Variants in STK3 observed in about 807,000 individuals in gnomAD.
STK3 encodes the protein serine/threonine-protein kinase 3.
STK3 carries 41 observed loss-of-function variants against 58.0 expected under a neutral mutation model. The observed-to-expected ratio is 0.71, with a 90% CI of 0.55 to 0.92. The LOEUF is 0.92. Among genes scored for constraint, STK3 ranks in the 40% least tolerant of loss-of-function variants. The probability of loss-of-function intolerance (pLI) is 0.00; values close to 1 mark genes in which losing one functional copy is unlikely to be tolerated. For missense variants in STK3, 479 were observed against 602.7 expected, an observed-to-expected ratio of 0.79 and a Z score of 2.15; for synonymous variants, 170 against 191.0, an observed-to-expected ratio of 0.89 and a Z score of 0.91.
chr8:98,713,713 T>C (rs1392123089), intron 4 of STK3, among the ~76,000 whole-genome samples: 1 of 152,176 alleles, frequency 6.6e-6, no homozygotes, highest in East Asian at 1.9e-4. Context: ...GAGGAGCTGG[T>C]ATCATTCCTT....
chr8:98,628,712 G>A (rs1818928888), intron 6 of STK3, among the ~76,000 whole-genome samples: 2 of 146,368 alleles, frequency 1.4e-5, no homozygotes, highest in Admixed American at 1.5e-4. Context: ...TGAGGCAGAA[G>A]AACAGCTTGA....
intron 1 of STK3, among the ~76,000 whole-genome samples, chr8:98,891,279 A>T (rs557432623): frequency 6.6e-6 from 1 of 152,364 alleles, no homozygotes; most frequent in African/African-American, 2.4e-5. Flanking sequence ...TTCCTGAAAG[A>T]GTCTTTTAAA....
chr8:98,667,499 A>T (rs1473217067), intron 6 of STK3, among the ~76,000 whole-genome samples: 1 of 152,164 alleles, frequency 6.6e-6, no homozygotes, highest in African/African-American at 2.4e-5. Flanking sequence ...AAGGATTATA[A>T]ATTGTCTGTA....
intron 3 of STK3, among the ~76,000 whole-genome samples, chr8:98,839,840 T>G (rs1835896776): frequency 6.6e-6 from 1 of 152,160 alleles, no homozygotes; most frequent in South Asian, 2.1e-4. Context: ...GAATAAATCA[T>G]CATCCAAGGG....
At chr8:98,789,053 T>C (rs1832647431) in intron 1 of STK3, among the ~76,000 whole-genome samples, 1 of 152,066 alleles carries the variant, frequency 6.6e-6, no homozygotes, top group South Asian at 2.1e-4. Flanking sequence ...TGAAATAATA[T>C]CAAGTACTCT....
intron 1 of STK3, among the ~76,000 whole-genome samples, chr8:98,902,668 A>G (rs989143155): frequency 1.3e-5 from 2 of 152,228 alleles, no homozygotes; most frequent in Non-Finnish European, 2.9e-5. Context: ...TGAGCCCTCC[A>G]TATGGAAACC....
chr8:98,712,426 A>G (rs904199240), intron 4 of STK3, among the ~76,000 whole-genome samples: 1 of 151,990 alleles, frequency 6.6e-6, no homozygotes, highest in Non-Finnish European at 1.5e-5. Flanking sequence ...TCAAAATAAA[A>G]GGATGGAGGA....
At chr8:98,756,656 A>G (rs1318271875) in intron 3 of STK3, among the ~76,000 whole-genome samples, 1 of 152,234 alleles carries the variant, frequency 6.6e-6, no homozygotes, top group Non-Finnish European at 1.5e-5. Flanking sequence ...TATAGTAAGC[A>G]TATCTTTTTA....
chr8:98,917,930 C>G (rs1182181792), intron 1 of STK3, among the ~76,000 whole-genome samples: 1 of 152,148 alleles, frequency 6.6e-6, no homozygotes, highest in Non-Finnish European at 1.5e-5. Context: ...ATTCTCTACT[C>G]CTTTCTAGCA....
chr8:98,774,672 A>G, intron 2 of STK3, 67 bp downstream of exon 2: 1 of 1,128,686 alleles, frequency 8.9e-7, no homozygotes, highest in Non-Finnish European at 1.3e-6. Context: ...TTGAAAGATT[A>G]ACATCATATA....
chr8:98,676,799 C>T (rs957230411), intron 6 of STK3, among the ~76,000 whole-genome samples: 1 of 152,078 alleles, frequency 6.6e-6, no homozygotes, highest in Non-Finnish European at 1.5e-5. Context: ...CTTATTTCCA[C>T]AATATTTTTA....
chr8:98,568,359 G>A (rs1410197170), intron 8 of STK3, among the ~76,000 whole-genome samples: 3 of 152,166 alleles, frequency 2.0e-5, no homozygotes, highest in Admixed American at 2.0e-4. Flanking sequence ...ATGTTTGGAA[G>A]TTAGAAAACA....
intron 10 of STK3, among the ~76,000 whole-genome samples, chr8:98,499,140 G>A (rs1823378786): frequency 6.6e-6 from 1 of 152,134 alleles, no homozygotes. Flanking sequence ...TTTGAAAATG[G>A]AGAAAAGGGC....
intron 4 of STK3, among the ~76,000 whole-genome samples, chr8:98,732,670 A>C (rs1479697034): frequency 5.3e-5 from 8 of 152,184 alleles, no homozygotes; most frequent in African/African-American, 1.7e-4. Context: ...TGGTGGCACT[A>C]ACCCAAGAGT....
chr8:98,645,476 C>A (rs955381307), intron 6 of STK3, among the ~76,000 whole-genome samples: 1 of 152,096 alleles, frequency 6.6e-6, no homozygotes. Context: ...ATAGGCTAAA[C>A]GGCACATTTT....
chr8:98,812,024 G>A (rs999190881), intron 1 of STK3, among the ~76,000 whole-genome samples: 2 of 152,088 alleles, frequency 1.3e-5, no homozygotes, highest in Non-Finnish European at 2.9e-5. Context: ...TGGCCAGGCT[G>A]TTCTCGAACT....
chr8:98,389,858 C>T (rs556206856), upstream of STK3, among the ~76,000 whole-genome samples: 1 of 151,684 alleles, frequency 6.6e-6, no homozygotes, highest in African/African-American at 2.4e-5. Flanking sequence ...TGAGCCAAAG[C>T]CACCAGAAGG....
intron 3 of STK3, among the ~76,000 whole-genome samples, chr8:98,854,231 C>T (rs184996264): frequency 3.3e-5 from 5 of 152,184 alleles, no homozygotes; most frequent in Admixed American, 1.3e-4. Flanking sequence ...CTCTGCCTCC[C>T]GGGTTCAAGT....
rs943842662 is a variant in STK3 at position 98,825,669 on chromosome 8, C to A, written c.-129G>T. 1 of 1,145,314 alleles carries A rather than the reference C, an allele frequency of 8.7e-7. No individual in the cohort carries two copies. The highest frequency in any genetic ancestry group is 1.1e-6 in the Non-Finnish European group (1 of 922,104). The allele number at this position is 1,145,314 out of a possible 1,614,324, so 70.9% of individuals were successfully genotyped here. A position where few individuals can be genotyped will look rare whatever the true frequency, so the allele number is the denominator to read the frequency against. On this transcript the variant is annotated 5_prime_UTR_variant, in exon 1 of 11. Coordinates refer to ENST00000419617, the MANE Select transcript of STK3 (RefSeq NM_006281.4). ...CTCTGGGAACTCGGACCAACTTTCC[C>A]GTAACTCCGCGGCGGATCTCCCTCC...
Sources: gnomAD v4.1 joint callset for allele counts (sites outside exome capture counted in the v4.1 genomes callset) on GRCh38, gnomAD v4.1.1 for gene constraint, MANE v1.5 for transcripts, NCBI Gene and HGNC (gene_info 2026-07-23, HGNC 2026-07-21) for gene names.